LRP1B: variants seen among roughly 807,000 people sequenced by gnomAD.
LRP1B encodes the protein LDL receptor related protein 1B.
LRP1B carries 217 observed loss-of-function variants against 556.6 expected under a neutral mutation model. The ratio of observed to expected loss-of-function variants is 0.39; its 90% CI spans 0.35 to 0.44. The LOEUF is 0.44. LRP1B is among the 20% of genes least tolerant of loss of function. LRP1B has a pLI of 1.00. For synonymous variants in LRP1B, 2,047 were observed against 1,865.8 expected, an observed-to-expected ratio of 1.10 and a Z score of -2.50; for missense variants, 5,053 against 5,620.8, an observed-to-expected ratio of 0.90 and a Z score of 3.23.
In LRP1B at chr2:140,851,680, C is replaced by A. The variant is rs1225583775; in HGVS notation, c.4683G>T (p.Lys1561Asn). ...AGCAGGTCTTCTTGTCTGAAGAAAG[C>A]TTCATCAAGTGGGGGCACGCACAGG... Reference protein sequence around the residue: ...SAACACPHLMKLSSDKKTCYE... With the variant: ...SAACACPHLMNLSSDKKTCYE... Residue 1561 changes from lysine to asparagine, a missense_variant, in exon 28 of 91, where the codon AAG becomes AAT. Around this residue, in one of 5 missense-constraint regions of LRP1B, gnomAD observed 3,619 missense variants for 3,931.9 expected, o/e 0.92. Coordinates refer to ENST00000389484, the MANE Select transcript of LRP1B (RefSeq NM_018557.3). The A allele has an allele frequency of 3.1e-6, 5 of 1,610,206 alleles. No homozygotes were observed. The highest frequency in any genetic ancestry group is 1.3e-5 in the African/African-American group (1 of 74,708).
intron 7 of LRP1B, among the ~76,000 whole-genome samples, chr2:141,123,834 T>C (rs1338426848): frequency 6.6e-6 from 1 of 152,160 alleles, no homozygotes; most frequent in Non-Finnish European, 1.5e-5. Context: ...CTTAAGCACT[T>C]TGCTATTTGA....
Position 140,803,290 on chromosome 2 carries a change from T to TTTTTTTTTTTTTTTTTTTC in LRP1B, c.5359+10366_5359+10367insGAAAAAAAAAAAAAAAAAA, listed in dbSNP as rs869303438. On this transcript the variant is annotated intron_variant, in intron 32 of 90. Transcript: ENST00000389484. ...TTTTTTTTTTTTTTTTTTTTTTTTT[T>TTTTTTTTTTTTTTTTTTTC]CCGAGATGGAGTCTCCCTCTGTCTC... is the stretch of plus-strand genomic sequence containing the variant. 6.9e-5 allele frequency among the ~76,000 whole-genome samples: 8 copies of TTTTTTTTTTTTTTTTTTTC among 115,262 alleles called. 1 individual carries two copies. Among genetic ancestry groups the TTTTTTTTTTTTTTTTTTTC allele is most frequent in the African/African-American group, 2.8e-4 (8 of 28,836 alleles). 75.6% of individuals were successfully genotyped at this position (115,262 alleles called of 152,430 possible). A position where few individuals can be genotyped will look rare whatever the true frequency, so the allele number is the denominator to read the frequency against.
rs552386876 is a variant in LRP1B, at chr2:141,543,675, C to T, written c.206-63142G>A. On this transcript the variant is annotated intron_variant, in intron 2 of 90. Coordinates refer to ENST00000389484, the MANE Select transcript of LRP1B (RefSeq NM_018557.3). ...AGGGATTCAAGGTTACAGTGAACTA[C>T]AATCACACCACCGCACTTCACCCTG... 2.2e-4 allele frequency among the ~76,000 whole-genome samples: 33 copies of T among 151,478 alleles called. No homozygotes were observed. In the South Asian group the frequency reaches 6.9e-3, roughly 32 times the overall value.
At chr2:141,975,756 C>T (rs564057711) in intron 1 of LRP1B, among the ~76,000 whole-genome samples, 69 of 152,178 alleles carry the variant, frequency 4.5e-4, no homozygotes, top group African/African-American at 1.5e-3. Context: ...GGGAATGAAG[C>T]CATATGTATT....
intron 66 of LRP1B, among the ~76,000 whole-genome samples, chr2:140,401,440 G>A (rs932192212): frequency 6.6e-6 from 1 of 152,122 alleles, no homozygotes; most frequent in Non-Finnish European, 1.5e-5. Context: ...CAAGTCAGTT[G>A]TGCTCTCCAC....
intron 2 of LRP1B, among the ~76,000 whole-genome samples, chr2:141,694,625 C>G (rs1216972243): frequency 2.0e-5 from 3 of 151,266 alleles, no homozygotes; most frequent in Non-Finnish European, 2.9e-5. Flanking sequence ...AGAATTTGGG[C>G]TCATGATCAT....
chr2:140,525,834 C>G lies in LRP1B; in HGVS notation c.8026+10G>C, dbSNP rs2104966858. On this transcript the variant is annotated intron_variant, in intron 49 of 90. Coordinates refer to ENST00000389484, the MANE Select transcript of LRP1B (RefSeq NM_018557.3). ...GGCAAAGCCTGTGTTTTTCTAAATT[C>G]TAGTATTACCTGGGCACTTTAATTC... 3.7e-6 allele frequency: 6 copies of G among 1,607,044 alleles called. No homozygotes were observed. Among genetic ancestry groups the G allele is most frequent in the Non-Finnish European group, 5.1e-6 (6 of 1,176,970 alleles).
intron 66 of LRP1B, among the ~76,000 whole-genome samples, chr2:140,399,050 C>T (rs951925873): frequency 1.3e-4 from 20 of 151,810 alleles, no homozygotes; most frequent in Non-Finnish European, 2.6e-4. Flanking sequence ...CTAATGAGTC[C>T]GATTGAATAA....
intron 11 of LRP1B, among the ~76,000 whole-genome samples, chr2:141,024,956 C>T (rs945202342): frequency 4.6e-5 from 7 of 152,034 alleles, no homozygotes; most frequent in African/African-American, 1.7e-4. Context: ...CTGTCTCTTT[C>T]TCTCAATACT....
rs371165703 is a variant in LRP1B, at chr2:141,916,233, C to T, written c.83-105832G>A. Among the ~76,000 whole-genome samples the T allele has an allele frequency of 2.5e-3, 379 of 152,230 alleles. 1 individual carries two copies. The highest frequency in any genetic ancestry group is 8.7e-3 in the African/African-American group (362 of 41,528). On this transcript the variant is annotated intron_variant, in intron 1 of 90. Transcript: ENST00000389484. ...TGTGATACATATACACCACCGGATA[C>T]TACCCAGCCATAAAAAATGAAATCA...
intron 2 of LRP1B, among the ~76,000 whole-genome samples, chr2:141,518,405 A>T (rs1684403028): frequency 6.6e-6 from 1 of 152,114 alleles, no homozygotes; most frequent in Non-Finnish European, 1.5e-5. Context: ...TTTCTTAGTG[A>T]TTAAAATTGT....
At chr2:141,333,430 T>C (rs112852042) in intron 3 of LRP1B, among the ~76,000 whole-genome samples, 3,203 of 152,292 alleles carry the variant, frequency 0.021, 56 homozygotes, top group Non-Finnish European at 0.034. Flanking sequence ...TGGTAGCCAA[T>C]AGATGCATCT....
intron 66 of LRP1B, among the ~76,000 whole-genome samples, chr2:140,421,312 A>G (rs1294385130): frequency 6.6e-6 from 1 of 152,212 alleles, no homozygotes; most frequent in African/African-American, 2.4e-5. Context: ...TTATATATCA[A>G]TAAAGTTGTT....
intron 3 of LRP1B, among the ~76,000 whole-genome samples, chr2:141,315,871 T>C (rs931813128): frequency 4.1e-5 from 6 of 144,638 alleles, no homozygotes; most frequent in Non-Finnish European, 7.5e-5. Context: ...ATCCTCTATC[T>C]TTAGTCTGGT....
At chr2:140,930,910 C>A (rs1363306595) in intron 20 of LRP1B, among the ~76,000 whole-genome samples, 1 of 152,080 alleles carries the variant, frequency 6.6e-6, no homozygotes, top group East Asian at 1.9e-4. Flanking sequence ...CATCCATAGC[C>A]TCATTCTGTT....
intron 1 of LRP1B, among the ~76,000 whole-genome samples, chr2:142,037,659 C>T (rs550751962): frequency 6.6e-6 from 1 of 151,730 alleles, no homozygotes; most frequent in East Asian, 1.9e-4. Flanking sequence ...TTTCCAGTTC[C>T]TGCCCAGTCG....
At chr2:141,092,136 A>G (rs937678304) in intron 7 of LRP1B, among the ~76,000 whole-genome samples, 1 of 152,200 alleles carries the variant, frequency 6.6e-6, no homozygotes, top group Non-Finnish European at 1.5e-5. Context: ...TTGTTTTGTT[A>G]TATGTTGCTG....
In LRP1B at chr2:141,544,296, C is replaced by CTCT. The variant is rs1175616888; in HGVS notation, c.206-63766_206-63764dup. 6.3e-4 allele frequency among the ~76,000 whole-genome samples: 49 copies of CTCT among 78,344 alleles called. 3 individuals are homozygous for CTCT. Among genetic ancestry groups the CTCT allele is most frequent in the African/African-American group, 2.4e-3 (47 of 19,386 alleles). The allele number at this position is 78,344 out of a possible 152,430, so 51.4% of individuals were successfully genotyped here. The stretch of plus-strand genomic sequence containing the variant: ...AAGTCTTCTCTTAAGAAATTTACCA[C>CTCT]TCTTCTTCTTCTTCTTCTTCTTCTT... On this transcript the variant is annotated intron_variant, in intron 2 of 90. Transcript: ENST00000389484.
At chr2:141,461,050 G>C (rs1262062645) in intron 3 of LRP1B, among the ~76,000 whole-genome samples, 1 of 151,594 alleles carries the variant, frequency 6.6e-6, no homozygotes, top group Non-Finnish European at 1.5e-5. Context: ...AAAAAAATGA[G>C]AGTCATTGGC....
Sources: gnomAD v4.1 joint callset for allele counts (sites outside exome capture counted in the v4.1 genomes callset) on GRCh38, gnomAD v4.1.1 for gene constraint, gnomAD v4.1.1 regional missense constraint, MANE v1.5 for transcripts, NCBI Gene and HGNC (gene_info 2026-07-23, HGNC 2026-07-21) for gene names.